Variants in HK3 observed in about 807,000 individuals in gnomAD.
HK3 encodes hexokinase-3.
Under a neutral mutation model 91.0 loss-of-function variants are expected in HK3, and 93 were observed. The observed-to-expected ratio is 1.02, with a 90% confidence interval of 0.86 to 1.21. The LOEUF (loss-of-function observed/expected upper bound fraction) is 1.21, where lower values mean the gene tolerates loss of function less well. Ranked by LOEUF, HK3 falls within the 50% of genes most tolerant of loss-of-function variation. The pLI, the probability that HK3 is intolerant of heterozygous loss-of-function variation, is 0.00. For missense variants in HK3, 1,235 were observed against 1,247.4 expected, an observed-to-expected ratio of 0.99 and a Z score of 0.15; for synonymous variants, 519 against 516.9, an observed-to-expected ratio of 1.00 and a Z score of -0.06.
At chr5:176,892,393 A>T (rs932941285) in intron 2 of HK3, among the ~76,000 whole-genome samples, 1 of 152,160 alleles carries the variant, frequency 6.6e-6, no homozygotes, top group African/African-American at 2.4e-5. Flanking sequence ...ATGGATTTGG[A>T]GAAGACTGAT....
chr5:176,887,189 G>A lies in HK3; in HGVS notation c.1737+12C>T. Reference sequence around the variant, plus strand: ...TCCCCACCTCTGACATCAAGGTTCAGGCTGTGGGTACCTGCTGCCCAGAAC... The same window carrying A: ...TCCCCACCTCTGACATCAAGGTTCAAGCTGTGGGTACCTGCTGCCCAGAAC... On this transcript the variant is annotated intron_variant, in intron 12 of 18. Coordinates refer to ENST00000292432, the MANE Select transcript of HK3 (RefSeq NM_002115.3). This position sits in a 1 kb window ranked among gnomAD's most constrained non-coding sequence, Gnocchi z 4.9. 6.2e-7 allele frequency: 1 copy of A among 1,614,144 alleles called. No homozygotes were observed. The highest frequency in any genetic ancestry group is 8.5e-7 in the Non-Finnish European group (1 of 1,180,016).
rs949965402 is a variant in HK3 at position 176,887,907 on chromosome 5, T to A, written c.1305-161A>T. 1.5e-4 allele frequency among the ~76,000 whole-genome samples: 23 copies of A among 151,988 alleles called. No homozygotes were observed. The highest frequency in any genetic ancestry group is 7.2e-4 in the Admixed American group (11 of 15,266). ...CCCAAGGCCCCATCACTTTTTTTTT[T>A]TTATTTTTGTAGATATCGAGTCTTG... is the stretch of plus-strand genomic sequence containing the variant. On this transcript the variant is annotated intron_variant, in intron 10 of 18. Transcript: ENST00000292432. This position sits in a 1 kb window ranked among gnomAD's most constrained non-coding sequence, Gnocchi z 4.9.
At chr5:176,898,047 C>T (rs1327249670) in intron 1 of HK3, among the ~76,000 whole-genome samples, 1 of 152,186 alleles carries the variant, frequency 6.6e-6, no homozygotes, top group Admixed American at 6.5e-5. Context: ...CATCCCTCAC[C>T]CTCACCTCCT....
intron 8 of HK3, among the ~76,000 whole-genome samples, chr5:176,889,139 C>T (rs1758688070): frequency 6.6e-6 from 1 of 152,208 alleles, no homozygotes; most frequent in Admixed American, 6.5e-5. Context: ...GCCCTCAACC[C>T]CCAAACTGTC....
rs1189736635 is a variant in HK3, at chr5:176,899,332, C to T, written c.-92G>A. ...CTCTTGTCTGGCAATATGAGGCACC[C>T]CAATGACCAAAAGCAACACTCAGGG... On this transcript the variant is annotated 5_prime_UTR_variant, in exon 1 of 19. Transcript: ENST00000292432. 2.0e-5 allele frequency: 3 copies of T among 152,172 alleles called. No individual in the cohort carries two copies. Among genetic ancestry groups the T allele is most frequent in the Admixed American group, 2.0e-4 (3 of 15,284 alleles). The allele number at this position is 152,172 out of a possible 1,614,324, so 9.4% of individuals were successfully genotyped here. A position where few individuals can be genotyped will look rare whatever the true frequency, so the allele number is the denominator to read the frequency against.
intron 6 of HK3, among the ~76,000 whole-genome samples, chr5:176,890,375 G>A (rs1758732633): frequency 6.6e-6 from 1 of 152,220 alleles, no homozygotes; most frequent in Non-Finnish European, 1.5e-5. Flanking sequence ...CCTTGAGGAG[G>A]AGGTCAAAGT....
At chr5:176,885,175 G>A (rs1322273198) in intron 13 of HK3, among the ~76,000 whole-genome samples, 1 of 152,178 alleles carries the variant, frequency 6.6e-6, no homozygotes, top group East Asian at 1.9e-4. Context: ...CTGTTCAGAA[G>A]GGATCTGAGA....
intron 13 of HK3, among the ~76,000 whole-genome samples, chr5:176,886,669 C>T (rs765112064): frequency 6.6e-6 from 1 of 152,160 alleles, no homozygotes; most frequent in Non-Finnish European, 1.5e-5. Flanking sequence ...AAACCCCAAG[C>T]GACCTCAAGC....
chr5:176,888,057 G>A (rs924888614), intron 10 of HK3, among the ~76,000 whole-genome samples: 3 of 152,024 alleles, frequency 2.0e-5, no homozygotes, highest in Admixed American at 1.3e-4. Context: ...TACCACCATA[G>A]CCAGCCTCCC....
At chr5:176,897,899 G>A (rs1306345709) in intron 1 of HK3, among the ~76,000 whole-genome samples, 1 of 152,172 alleles carries the variant, frequency 6.6e-6, no homozygotes, top group Non-Finnish European at 1.5e-5. Context: ...CTATCTGGAT[G>A]GTGGAGAAGC....
chr5:176,882,024 C>T lies in HK3; in HGVS notation c.2157G>A (p.Gly719=), dbSNP rs764366252. Residue 719 remains glycine (G), a synonymous_variant, in exon 16 of 19, where the codon GGG becomes GGA. Transcript: ENST00000292432. ...TGAGCATGGCCAGAGAGCCATCGTC[C>T]CCAAAGGCGCCCCACTCCATGTTGA... ...MCINMEWGAF[G]DDGSLAMLST... is the part of the protein sequence containing the mutation. 6.2e-7 allele frequency: 1 copy of T among 1,613,278 alleles called. No individual in the cohort carries two copies. The highest frequency in any genetic ancestry group is 1.7e-5 in the Admixed American group (1 of 60,036).
chr5:176,882,998 C>T (rs917036746), intron 15 of HK3, among the ~76,000 whole-genome samples: 1 of 152,206 alleles, frequency 6.6e-6, no homozygotes, highest in Admixed American at 6.5e-5. Context: ...GCTGTGGGAT[C>T]CCTCCTCCCC....
In HK3 at chr5:176,888,319, G is replaced by A. The variant is rs370749902; in HGVS notation, c.1304+13C>T. ...CATGCCAACTAATCATGCGGATCAC[G>A]TTTCCACAATACCTGGGGTGCCGCT... On this transcript the variant is annotated intron_variant, in intron 10 of 18. Coordinates refer to ENST00000292432, the MANE Select transcript of HK3 (RefSeq NM_002115.3). The A allele has an allele frequency of 7.1e-6, 11 of 1,546,352 alleles. No individual in the cohort carries two copies. The African/African-American group carries it at 9.6e-5, about 13-fold the overall frequency.
Position 176,881,174 on chromosome 5 carries a change from G to T in HK3, c.2671C>A (p.Arg891Ser), listed in dbSNP as rs200044768. The change falls in exon 19 of 19, where the codon CGC becomes AGC. Residue 891 changes from arginine (R) to serine (S), a missense_variant. Coordinates refer to ENST00000292432, the MANE Select transcript of HK3 (RefSeq NM_002115.3). ...GACTGCAGGAACGTGACCACACAGC[G>T]AGGGGCCAGCTCCCGCACTGTGGCC... ...VAATVRELAP[R>S]CVVTFLQSED... The T allele has an allele frequency of 6.2e-7, 1 of 1,612,998 alleles. No homozygotes were observed. The highest frequency in any genetic ancestry group is 1.1e-5 in the South Asian group (1 of 91,088).
At chr5:176,889,298 G>C in intron 8 of HK3, 83 bp downstream of exon 8, 1 of 1,456,804 alleles carries the variant, frequency 6.9e-7, no homozygotes, top group Non-Finnish European at 9.4e-7. Flanking sequence ...CTAAGGGCCT[G>C]AGAACAGGGA....
Position 176,887,514 on chromosome 5 carries a change from G to A in HK3, c.1537C>T (p.Arg513Ter), listed in dbSNP as rs573086536. Residue 513 changes from arginine (R) to a stop codon, truncating the protein, a stop_gained, in exon 11 of 19, where the codon CGA (arginine) becomes TGA (stop). Transcript: ENST00000292432. LOFTEE classifies it high-confidence loss of function. This position sits in a 1 kb window ranked among gnomAD's most constrained non-coding sequence, Gnocchi z 4.9. The stretch of plus-strand genomic sequence containing the variant: ...ATGCGAAGGGAGGAGGCCTCCCCTC[G>A]GAGCCCCTTGGCCATGGCCTTCCGC... ...QMRKAMAKGL[R>*]GEASSLRMLP... 3.3e-5 allele frequency: 53 copies of A among 1,613,698 alleles called. No individual in the cohort carries two copies. The East Asian group carries it at 4.2e-4, about 13-fold the overall frequency.
rs980841956 is a variant in HK3 at position 176,884,728 on chromosome 5, C to A, written c.1858-594G>T. ...GAAAAGGGACTTAAACTTAGTGACACGGGGCTCAACTTTACCTGGAAAGGA... is the reference window on the plus strand; with the variant it reads ...GAAAAGGGACTTAAACTTAGTGACAAGGGGCTCAACTTTACCTGGAAAGGA... On this transcript the variant is annotated intron_variant, in intron 13 of 18. Coordinates refer to ENST00000292432, the MANE Select transcript of HK3 (RefSeq NM_002115.3). This position sits in a 1 kb window ranked among gnomAD's most constrained non-coding sequence, Gnocchi z 4.1. Among the ~76,000 whole-genome samples, 1 of 152,118 alleles carries A rather than the reference C, an allele frequency of 6.6e-6. No homozygotes were observed. Among genetic ancestry groups the A allele is most frequent in the African/African-American group, 2.4e-5 (1 of 41,414 alleles).
Position 176,887,958 on chromosome 5 carries a change from C to T in HK3, c.1305-212G>A, listed in dbSNP as rs961866888. ...CTCTCTCACCCAAGCTAGAGTGCCA[C>T]GGAGTGATCATGGCTTACTGTAACC... On this transcript the variant is annotated intron_variant, in intron 10 of 18. Transcript: ENST00000292432. This position sits in a 1 kb window ranked among gnomAD's most constrained non-coding sequence, Gnocchi z 4.9. Among the ~76,000 whole-genome samples, 3 of 151,880 alleles carry T rather than the reference C, an allele frequency of 2.0e-5. No homozygotes were observed. The highest frequency in any genetic ancestry group is 6.6e-5 in the Admixed American group (1 of 15,236).
In HK3 at chr5:176,889,479, G is replaced by A. The variant is rs375715951; in HGVS notation, c.816C>T (p.Val272=). The A allele has an allele frequency of 1.4e-5, 22 of 1,614,064 alleles. No individual in the cohort carries two copies. Among genetic ancestry groups the A allele is most frequent in the East Asian group, 2.2e-5 (1 of 44,896 alleles). ...CATCATCGCTGAAGGAGCCCCACTCGACGCTGACGCAGACGCGGCCCCGGT... is the reference window on the plus strand; with the variant it reads ...CATCATCGCTGAAGGAGCCCCACTCAACGCTGACGCAGACGCGGCCCCGGT... ...DEDRGRVCVS[V]EWGSFSDDGA... is the part of the protein sequence containing the mutation. Residue 272 remains valine (V), a synonymous_variant, in exon 8 of 19, where the codon GTC becomes GTT. Transcript: ENST00000292432.
Sources: allele counts gnomAD v4.1 joint callset (sites outside exome capture counted in the v4.1 genomes callset), GRCh38; gene constraint gnomAD v4.1.1; non-coding constraint Gnocchi (gnomAD v3.1); transcripts MANE v1.5; gene names NCBI Gene and HGNC (gene_info 2026-07-23, HGNC 2026-07-21).